TNRC6C: variants seen among roughly 807,000 people sequenced by gnomAD.
The protein encoded by TNRC6C is trinucleotide repeat-containing gene 6C protein.
A neutral mutation model predicts 153.7 loss-of-function variants in TNRC6C; 20 were observed. That is an observed-to-expected ratio of 0.13 (90% CI 0.09 to 0.19). TNRC6C has a LOEUF of 0.19. Ranked by LOEUF, TNRC6C falls within the 10% of genes least tolerant of loss-of-function variation. TNRC6C has a pLI of 1.00. For synonymous variants in TNRC6C, 811 were observed against 841.4 expected (o/e 0.96, Z 0.63); for missense variants, 1,987 against 2,172.0 (o/e 0.91, Z 1.69).
At chr17:78,105,636 TGTG>T (rs2073680439) in exon 20 of TNRC6C, 2 of 143,268 alleles carry the variant, frequency 1.4e-5, no homozygotes, top group African/African-American at 6.0e-5. Context: ...GAAACAGAAG[TGTG>T]TGTGTGTGTG....
At chr17:78,077,483 C>A in intron 9 of TNRC6C, 149 bp downstream of exon 11, 2 of 985,294 alleles carry the variant, frequency 2.0e-6, no homozygotes, top group Non-Finnish European at 3.0e-6. Context: ...CAGGATTTCC[C>A]TTCAGGTGAC....
At chr17:78,088,800 T>C (rs1256281003) in intron 13 of TNRC6C, among the ~76,000 whole-genome samples, 1 of 152,022 alleles carries the variant, frequency 6.6e-6, no homozygotes. Context: ...GCCTAGCACA[T>C]AGCAAACACT....
At chr17:77,975,342 T>G (rs1447507294) in intron 1 of TNRC6C, among the ~76,000 whole-genome samples, 1 of 152,196 alleles carries the variant, frequency 6.6e-6, no homozygotes, top group Non-Finnish European at 1.5e-5. Flanking sequence ...TCTGTGAAAC[T>G]ACAGCCACAG....
intron 5 of TNRC6C, among the ~76,000 whole-genome samples, chr17:78,069,658 C>T (rs1038480253): frequency 1.3e-5 from 2 of 152,036 alleles, no homozygotes; most frequent in Non-Finnish European, 2.9e-5. Flanking sequence ...TTTATGTGTA[C>T]ATTGATGGAG....
Position 78,091,614 on chromosome 17 carries a change from C to G in TNRC6C, c.3970+7C>G. 6.6e-7 allele frequency: 1 copy of G among 1,520,638 alleles called. No homozygotes were observed. Among genetic ancestry groups the G allele is most frequent in the Non-Finnish European group, 8.8e-7 (1 of 1,131,750 alleles). 94.2% of individuals were successfully genotyped at this position (1,520,638 alleles called of 1,614,324 possible). On this transcript the variant is annotated splice_region_variant and intron_variant, in intron 14 of 19. Transcript: ENST00000301624. The stretch of plus-strand genomic sequence containing the variant: ...CAGAACCCTAGCAAGCATGGTACGT[C>G]TGAGCTAGGATGCCTGTGGTGGGAT...
intron 16 of TNRC6C, among the ~76,000 whole-genome samples, chr17:78,095,137 TGCATG>T (rs2073461951): frequency 6.6e-6 from 1 of 152,192 alleles, no homozygotes; most frequent in Non-Finnish European, 1.5e-5. Context: ...GAATCGAAGT[TGCATG>T]GCAGAGCTTC....
chr17:78,035,790 A>G (rs1339085539), intron 2 of TNRC6C, among the ~76,000 whole-genome samples: 1 of 152,218 alleles, frequency 6.6e-6, no homozygotes, highest in East Asian at 1.9e-4. Context: ...ATTCACATCC[A>G]GGTGAAATTC....
At chr17:77,976,155 T>C (rs2070994794) in intron 1 of TNRC6C, among the ~76,000 whole-genome samples, 4 of 152,246 alleles carry the variant, frequency 2.6e-5, no homozygotes, top group Non-Finnish European at 5.9e-5. Context: ...ATCTTCCTTA[T>C]ATTCAGCCCT....
intron 16 of TNRC6C, among the ~76,000 whole-genome samples, chr17:78,094,364 G>A (rs920622855): frequency 1.3e-5 from 2 of 151,734 alleles, no homozygotes; most frequent in African/African-American, 4.8e-5. Context: ...CACCTAGATA[G>A]TTCCCAAAAC....
intron 1 of TNRC6C, among the ~76,000 whole-genome samples, chr17:77,981,706 G>A (rs527990058): frequency 3.9e-5 from 6 of 152,184 alleles, no homozygotes; most frequent in African/African-American, 1.4e-4. Context: ...TCAACCTGTG[G>A]GTCAAATCTG....
chr17:78,027,203 G>A (rs1049296294), intron 1 of TNRC6C, among the ~76,000 whole-genome samples: 2 of 152,172 alleles, frequency 1.3e-5, no homozygotes, highest in Non-Finnish European at 2.9e-5. Flanking sequence ...TTAGCAGCAA[G>A]AAAGAAATTA....
intron 1 of TNRC6C, among the ~76,000 whole-genome samples, chr17:78,030,314 T>C (rs947996831): frequency 7.0e-6 from 1 of 142,312 alleles, no homozygotes; most frequent in South Asian, 2.2e-4. Context: ...CACACCTGGC[T>C]TGTGTGTGTG....
In TNRC6C at chr17:78,049,827, C is replaced by A. The variant is rs771155300; in HGVS notation, c.765C>A (p.Asn255Lys). The change falls in exon 3 of 20, where the codon AAC becomes AAA. Residue 255 changes from asparagine to lysine, a missense_variant. This residue lies in a region of TNRC6C where 1,052 missense variants were observed against 1,017.0 expected (regional missense o/e 1.03). Coordinates refer to ENST00000301624, the Ensembl canonical transcript of TNRC6C. This position sits in a 1 kb window ranked among gnomAD's most constrained non-coding sequence, Gnocchi z 4.1. ...CTGTGTGGGGACTGTCCCCAGGTAACCCTGCCACAGGAAATAGCAATTCTG... is the reference window on the plus strand; with the variant it reads ...CTGTGTGGGGACTGTCCCCAGGTAAACCTGCCACAGGAAATAGCAATTCTG... The A allele has an allele frequency of 2.5e-6, 4 of 1,612,516 alleles. No homozygotes were observed. Among genetic ancestry groups the A allele is most frequent in the East Asian group, 2.2e-5 (1 of 44,888 alleles).
chr17:77,974,555 G>T (rs1247193822), intron 1 of TNRC6C, among the ~76,000 whole-genome samples: 1 of 151,702 alleles, frequency 6.6e-6, no homozygotes, highest in East Asian at 1.9e-4. Context: ...TTGAACTCCT[G>T]GGCTTGAGAG....
At chr17:78,010,955 CGGGGCGCTGTGCTCCG>C (rs1377133811) in intron 1 of TNRC6C, among the ~76,000 whole-genome samples, 2 of 152,180 alleles carry the variant, frequency 1.3e-5, no homozygotes, top group Non-Finnish European at 2.9e-5. Context: ...GGCAAGGAAG[CGGGGCGCTGTGCTCCG>C]GGGGCGCCTC....
intron 16 of TNRC6C, among the ~76,000 whole-genome samples, chr17:78,095,268 C>T (rs538376594): frequency 2.0e-4 from 30 of 152,286 alleles, no homozygotes; most frequent in African/African-American, 6.0e-4. Flanking sequence ...GAAGATGGCC[C>T]GAGAAACACG....
intron 1 of TNRC6C, among the ~76,000 whole-genome samples, chr17:78,011,386 T>C (rs1274384560): frequency 6.6e-6 from 1 of 152,242 alleles, no homozygotes; most frequent in Non-Finnish European, 1.5e-5. Flanking sequence ...ATCTGCTTTC[T>C]GCCACTATAA....
In TNRC6C at chr17:78,093,136, C is replaced by G. The variant is rs752099640; in HGVS notation, c.4162+12C>G. 1.9e-6 allele frequency: 3 copies of G among 1,611,104 alleles called. No individual in the cohort carries two copies. The Admixed American group carries it at 5.0e-5, about 27-fold the overall frequency. On this transcript the variant is annotated intron_variant, in intron 15 of 19. Coordinates refer to ENST00000301624, the Ensembl canonical transcript of TNRC6C. The stretch of plus-strand genomic sequence containing the variant: ...CAACTGGCCCCCAGGTAAGACCATG[C>G]AACACTTCTGTGCAACAGCAGCAGG...
intron 1 of TNRC6C, among the ~76,000 whole-genome samples, chr17:77,966,131 G>A (rs117329145): frequency 2.6e-5 from 4 of 152,304 alleles, no homozygotes; most frequent in East Asian, 1.9e-4. Flanking sequence ...TGTAAAGCGC[G>A]TAACATAATG....
Sources: allele counts gnomAD v4.1 joint callset (sites outside exome capture counted in the v4.1 genomes callset), GRCh38; gene constraint gnomAD v4.1.1; regional missense constraint gnomAD v4.1.1; non-coding constraint Gnocchi (gnomAD v3.1); transcripts MANE v1.5; gene names NCBI Gene and HGNC (gene_info 2026-07-23, HGNC 2026-07-21).